FRAS1: variants seen among roughly 807,000 people sequenced by gnomAD.
The protein encoded by FRAS1 is extracellular matrix organizing protein FRAS1.
FRAS1 carries 290 observed loss-of-function variants against 435.2 expected under a neutral mutation model. That is an observed-to-expected ratio of 0.67 (90% CI 0.61 to 0.73). FRAS1 has a LOEUF of 0.73. Among genes scored for constraint, FRAS1 ranks in the 30% least tolerant of loss-of-function variants. FRAS1 has a pLI of 0.00. For missense variants in FRAS1, 4,860 were observed against 5,001.5 expected, an observed-to-expected ratio of 0.97 and a Z score of 0.85; for synonymous variants, 1,800 against 1,851.0, an observed-to-expected ratio of 0.97 and a Z score of 0.71.
rs142457221 is a variant in FRAS1 at position 78,362,138 on chromosome 4, C to T, written c.2423-1375C>T. ...ACTGGTATTACAGAGCTACTGTGCA[C>T]TATGTATTGGGTCATAAAAATGACT... is the stretch of plus-strand genomic sequence containing the variant. On this transcript the variant is annotated intron_variant, in intron 20 of 73. Transcript: ENST00000512123. Among the ~76,000 whole-genome samples, 327 of 152,282 alleles carry T rather than the reference C, an allele frequency of 2.1e-3. 1 individual carries two copies. Among genetic ancestry groups the T allele is most frequent in the African/African-American group, 7.6e-3 (315 of 41,556 alleles).
chr4:78,191,063 C>T (rs565285061), intron 2 of FRAS1, among the ~76,000 whole-genome samples: 22 of 152,274 alleles, frequency 1.4e-4, no homozygotes, highest in South Asian at 1.2e-3. Flanking sequence ...ATCTGCAAGC[C>T]GGGAAGACTC....
intron 33 of FRAS1, 148 bp downstream of exon 33, chr4:78,419,211 CCT>C: frequency 1.9e-6 from 1 of 533,266 alleles, no homozygotes; most frequent in Non-Finnish European, 3.2e-6. Flanking sequence ...ATTTCTCGCT[CCT>C]GTCTTCTAGT....
chr4:78,115,515 T>A (rs1243105534), intron 2 of FRAS1, among the ~76,000 whole-genome samples: 4 of 152,228 alleles, frequency 2.6e-5, no homozygotes, highest in Admixed American at 2.6e-4. Flanking sequence ...GAGCCTGTTA[T>A]TGATCTATTC....
At position 78,339,088 on chromosome 4, in the gene FRAS1, G is replaced by A. The variant is rs773772136; in HGVS notation, c.2422+1271G>A. On this transcript the variant is annotated intron_variant, in intron 20 of 73. Coordinates refer to ENST00000512123, the MANE Select transcript of FRAS1 (RefSeq NM_025074.7). The stretch of plus-strand genomic sequence containing the variant: ...TCAGAATTCCTATCAGCTGTAGGAT[G>A]TGAGTCTATTGCTAGTGATGTTAGT... 2.4e-4 allele frequency among the ~76,000 whole-genome samples: 36 copies of A among 152,292 alleles called. 1 individual carries two copies. The highest frequency in any genetic ancestry group is 4.7e-4 in the Non-Finnish European group (32 of 68,026).
intron 10 of FRAS1, 148 bp downstream of exon 10, chr4:78,278,892 A>G (rs1408863793): frequency 3.3e-6 from 2 of 607,996 alleles, no homozygotes; most frequent in Admixed American, 2.9e-5. Flanking sequence ...CTGGGGACAC[A>G]GAAGGGAATA....
intron 2 of FRAS1, among the ~76,000 whole-genome samples, chr4:78,192,636 T>C (rs1043780188): frequency 7.9e-5 from 12 of 152,210 alleles, no homozygotes; most frequent in South Asian, 4.1e-4. Context: ...TGTCATTTTT[T>C]AGTACGCCTA....
chr4:78,300,951 A>G (rs1728364164), intron 14 of FRAS1, among the ~76,000 whole-genome samples: 1 of 152,188 alleles, frequency 6.6e-6, no homozygotes, highest in African/African-American at 2.4e-5. Flanking sequence ...TCTTTATTGC[A>G]GAGCCCTTTT....
chr4:78,317,135 C>T lies in FRAS1; in HGVS notation c.1820-233C>T, dbSNP rs147720861. On this transcript the variant is annotated intron_variant, in intron 16 of 73. Coordinates refer to ENST00000512123, the MANE Select transcript of FRAS1 (RefSeq NM_025074.7). Reference sequence around the variant, plus strand: ...GACAATGTGTAGAAAGTGCTTAGTACAAACACTAAATAAAGGGTAGCTAAT... The same window carrying T: ...GACAATGTGTAGAAAGTGCTTAGTATAAACACTAAATAAAGGGTAGCTAAT... Among the ~76,000 whole-genome samples, 262 of 152,280 alleles carry T rather than the reference C, an allele frequency of 1.7e-3. 6 individuals carry two copies. The highest frequency in any genetic ancestry group is 1.2e-3 in the East Asian group (6 of 5,188).
chr4:78,337,662 TC>T lies in FRAS1; in HGVS notation c.2279-7del. 2 of 1,608,310 alleles carry T rather than the reference TC, an allele frequency of 1.2e-6. No individual in the cohort carries two copies. The highest frequency in any genetic ancestry group is 1.7e-6 in the Non-Finnish European group (2 of 1,175,446). On this transcript the variant is annotated splice_polypyrimidine_tract_variant and intron_variant, in intron 19 of 73. Transcript: ENST00000512123. ...CTGCTAATTCCAATCCTGGTTTTCG[TC>T]CCCCTGCCAGAGTGTCACCCAACCT...
intron 7 of FRAS1, 39 bp downstream of exon 7, chr4:78,265,147 C>A: frequency 1.5e-6 from 2 of 1,372,582 alleles, no homozygotes; most frequent in Non-Finnish European, 2.1e-6. Context: ...TTTTGACATC[C>A]GTTCTCACAC....
intron 22 of FRAS1, among the ~76,000 whole-genome samples, chr4:78,364,303 G>A (rs1373927049): frequency 6.6e-6 from 1 of 152,126 alleles, no homozygotes; most frequent in African/African-American, 2.4e-5. Flanking sequence ...ATGATCTTGG[G>A]CAGGTTATTT....
rs1204192520 is a variant in FRAS1, at chr4:78,113,884, T to TAGACATG, written c.108+47870_108+47876dup. On this transcript the variant is annotated intron_variant, in intron 2 of 73. Coordinates refer to ENST00000512123, the MANE Select transcript of FRAS1 (RefSeq NM_025074.7). ...TTTGTTGCCATTGCTTTTGGTGTAT[T>TAGACATG]AGACATGAAGTCCTTGCCCATGCCT... is the stretch of plus-strand genomic sequence containing the variant. Among the ~76,000 whole-genome samples the TAGACATG allele has an allele frequency of 6.6e-5, 10 of 152,356 alleles. No individual in the cohort carries two copies. In the East Asian group the frequency reaches 1.9e-3, roughly 29 times the overall value.
intron 2 of FRAS1, chr4:78,071,550 G>A (rs1740349607): frequency 6.6e-6 from 1 of 152,140 alleles, no homozygotes; most frequent in Non-Finnish European, 1.5e-5. Context: ...AGAGAGTTAG[G>A]TTAGCTTTTC....
chr4:78,057,685 G>A lies in FRAS1; in HGVS notation c.-325G>A, dbSNP rs1411226850. 4.9e-6 allele frequency: 2 copies of A among 410,270 alleles called. No individual in the cohort carries two copies. The highest frequency in any genetic ancestry group is 4.4e-6 in the Non-Finnish European group (1 of 227,554). 25.4% of individuals were successfully genotyped at this position (410,270 alleles called of 1,614,324 possible). A position where few individuals can be genotyped will look rare whatever the true frequency, so the allele number is the denominator to read the frequency against. On this transcript the variant is annotated 5_prime_UTR_variant, in exon 1 of 74. Transcript: ENST00000512123. The surrounding 1 kb of genome is among the most constrained non-coding windows in gnomAD (Gnocchi z 4.2). Reference sequence around the variant, plus strand: ...GGAAGATCCCATCGGCCAGTGACCAGCAACTTTCCGGCGAGATTTTGACGC... The same window carrying A: ...GGAAGATCCCATCGGCCAGTGACCAACAACTTTCCGGCGAGATTTTGACGC...
intron 2 of FRAS1, among the ~76,000 whole-genome samples, chr4:78,209,136 C>A (rs1157262601): frequency 6.6e-6 from 1 of 151,600 alleles, no homozygotes; most frequent in Non-Finnish European, 1.5e-5. Flanking sequence ...CAGAGCAAGA[C>A]CCCATGTAAA....
intron 65 of FRAS1, among the ~76,000 whole-genome samples, chr4:78,514,848 C>T (rs912092585): frequency 9.9e-5 from 15 of 151,974 alleles, no homozygotes; most frequent in African/African-American, 3.6e-4. Context: ...GGGTGGATTG[C>T]CTGAGCTTAG....
chr4:78,145,233 T>TGA (rs369016924), intron 2 of FRAS1, among the ~76,000 whole-genome samples: 90 of 152,206 alleles, frequency 5.9e-4, no homozygotes, highest in African/African-American at 2.1e-3. Flanking sequence ...GCTTTCGAAG[T>TGA]GAGGACTTTG....
rs942052515 is a variant in FRAS1 at position 78,101,377 on chromosome 4, G to A, written c.108+35361G>A. 1.5e-4 allele frequency among the ~76,000 whole-genome samples: 23 copies of A among 152,084 alleles called. 1 individual carries two copies. Among genetic ancestry groups the A allele is most frequent in the African/African-American group, 5.1e-4 (21 of 41,404 alleles). On this transcript the variant is annotated intron_variant, in intron 2 of 73. Transcript: ENST00000512123. ...CATATAGGCATGAGACAACATAGTG[G>A]TTTTGGAATTGTTTTGATGATAAAA...
chr4:78,495,865 A>C (rs984667800), intron 59 of FRAS1, among the ~76,000 whole-genome samples: 5 of 152,118 alleles, frequency 3.3e-5, no homozygotes, highest in African/African-American at 1.2e-4. Flanking sequence ...GCTTTCTATA[A>C]GGAATTCTTA....
Sources: allele counts gnomAD v4.1 joint callset (sites outside exome capture counted in the v4.1 genomes callset), GRCh38; gene constraint gnomAD v4.1.1; non-coding constraint Gnocchi (gnomAD v3.1); transcripts MANE v1.5; gene names NCBI Gene and HGNC (gene_info 2026-07-23, HGNC 2026-07-21).